Variants in ARRDC1 observed in about 807,000 individuals in gnomAD.
ARRDC1 encodes arrestin domain containing 1.
In ARRDC1, 37 loss-of-function variants were observed where a neutral mutation model predicts 40.1. The observed-to-expected ratio is 0.92, with a 90% CI of 0.71 to 1.21. The LOEUF is 1.21. Ranked by LOEUF, ARRDC1 falls within the 50% of genes most tolerant of loss-of-function variation. The probability of loss-of-function intolerance (pLI) is 0.00; values close to 1 mark genes in which losing one functional copy is unlikely to be tolerated. For missense variants in ARRDC1, 641 were observed against 581.9 expected, an observed-to-expected ratio of 1.10 and a Z score of -1.04; for synonymous variants, 310 against 262.5, an observed-to-expected ratio of 1.18 and a Z score of -1.75.
In ARRDC1 at chr9:137,614,720, T is replaced by C; in HGVS notation, c.957T>C (p.Ala319=). ...CACCACCCCAGGAGGAGGCTGAGGC[T>C]GAGGCTGCGGCTGGCGGCCCCCACT... ...PSAPPQEEAE[A]EAAAGGPHFL... The change falls in exon 7 of 8, where the codon GCT becomes GCC. Residue 319 remains alanine (A), a synonymous_variant. Coordinates refer to ENST00000371421, the MANE Select transcript of ARRDC1 (RefSeq NM_152285.4). 1 of 1,609,590 alleles carries C rather than the reference T, an allele frequency of 6.2e-7. No individual in the cohort carries two copies. Among genetic ancestry groups the C allele is most frequent in the Non-Finnish European group, 8.5e-7 (1 of 1,178,340 alleles).
chr9:137,613,813 T>C, intron 4 of ARRDC1, 44 bp downstream of exon 4: 1 of 1,604,838 alleles, frequency 6.2e-7, no homozygotes, highest in Non-Finnish European at 8.5e-7. Flanking sequence ...CCCACCCTCA[T>C]GGAGGCTGGG....
In ARRDC1 at chr9:137,614,219, G is replaced by A; in HGVS notation, c.618+5G>A. 1 of 1,587,260 alleles carries A rather than the reference G, an allele frequency of 6.3e-7. No homozygotes were observed. The highest frequency in any genetic ancestry group is 8.6e-7 in the Non-Finnish European group (1 of 1,162,858). On this transcript the variant is annotated splice_donor_5th_base_variant and intron_variant, in intron 5 of 7. Transcript: ENST00000371421. ...GTGGTGGCCAGTCTGCTGCAGGTCA[G>A]AGCCCCCGCCAGTTGCCTGGACCGG...
chr9:137,614,328 C>T lies in ARRDC1; in HGVS notation c.648C>T (p.Ile216=). ...TGTCCTATAAGGCCAAGCGCTGGAT[C>T]CACGACGTACGGACCATTGCGGAGG... ...QKVSYKAKRW[I]HDVRTIAEVE... is the part of the protein sequence containing the mutation. The change falls in exon 6 of 8, where the codon ATC becomes ATT. Residue 216 remains isoleucine, a synonymous_variant. Coordinates refer to ENST00000371421, the MANE Select transcript of ARRDC1 (RefSeq NM_152285.4). 1.3e-5 allele frequency: 21 copies of T among 1,609,094 alleles called. No individual in the cohort carries two copies. The highest frequency in any genetic ancestry group is 1.7e-5 in the Non-Finnish European group (20 of 1,177,498).
chr9:137,614,040 C>A lies in ARRDC1; in HGVS notation c.444C>A (p.Asn148Lys). The change falls in exon 5 of 8, where the codon AAC (asparagine) becomes AAA (lysine). Residue 148 changes from asparagine (N) to lysine (K), a missense_variant. By Grantham distance (94) the Asn-to-Lys change is moderately conservative (BLOSUM62 0). Coordinates refer to ENST00000371421, the MANE Select transcript of ARRDC1 (RefSeq NM_152285.4). The part of the protein sequence containing the change: ...LNSIPDIEQP[N>K]VASATKKFSY... ...CTGGCCCTCCCCCCAAGCAACCCAA[C>A]GTGGCCTCTGCCACCAAGAAGTTCT... 2 of 1,613,718 alleles carry A rather than the reference C, an allele frequency of 1.2e-6. No individual in the cohort carries two copies. The highest frequency in any genetic ancestry group is 1.7e-6 in the Non-Finnish European group (2 of 1,179,980).
intron 1 of ARRDC1, among the ~76,000 whole-genome samples, chr9:137,606,443 ACTTCTCTACCTTGGCCTCCT>A (rs1842425224): frequency 6.6e-6 from 1 of 152,032 alleles, no homozygotes; most frequent in Non-Finnish European, 1.5e-5. Context: ...CCTGCCGGGG[ACTTCTCTACCTTGGCCTCCT>A]GTGGGAACCA....
intron 1 of ARRDC1, among the ~76,000 whole-genome samples, chr9:137,609,111 G>A (rs974969773): frequency 6.6e-6 from 1 of 152,138 alleles, no homozygotes; most frequent in Non-Finnish European, 1.5e-5. Context: ...TGGGTCTCCT[G>A]GTATGCACAG....
Position 137,615,290 on chromosome 9 carries a change from C to A in ARRDC1, c.*152C>A. On this transcript the variant is annotated 3_prime_UTR_variant, in exon 8 of 8. Coordinates refer to ENST00000371421, the MANE Select transcript of ARRDC1 (RefSeq NM_152285.4). ...GGCATCCGCCCTCTTCTCCCTGGGG[C>A]TGGGGTGGGGGTGGCAGGGAGCTGG... 2.7e-6 allele frequency: 2 copies of A among 742,292 alleles called. No homozygotes were observed. The highest frequency in any genetic ancestry group is 2.0e-6 in the Non-Finnish European group (1 of 490,236). The allele number at this position is 742,292 out of a possible 1,614,324, so 46.0% of individuals were successfully genotyped here. A position where few individuals can be genotyped will look rare whatever the true frequency, so the allele number is the denominator to read the frequency against.
chr9:137,608,420 C>T (rs1348978214), intron 1 of ARRDC1, among the ~76,000 whole-genome samples: 1 of 152,260 alleles, frequency 6.6e-6, no homozygotes, highest in Non-Finnish European at 1.5e-5. Context: ...CTCAGTCCTG[C>T]AGCCAAGCCC....
chr9:137,615,239 C>G lies in ARRDC1; in HGVS notation c.*101C>G. 3.5e-6 allele frequency: 4 copies of G among 1,130,706 alleles called. No individual in the cohort carries two copies. Among genetic ancestry groups the G allele is most frequent in the Non-Finnish European group, 4.8e-6 (4 of 836,066 alleles). 70.0% of individuals were successfully genotyped at this position (1,130,706 alleles called of 1,614,324 possible). A position where few individuals can be genotyped will look rare whatever the true frequency, so the allele number is the denominator to read the frequency against. ...TTGGCCTAGCCTGGCCCACTCAGGA[C>G]CTGCCCAGCCTCTGCCAGCTCCTCT... On this transcript the variant is annotated 3_prime_UTR_variant, in exon 8 of 8. Transcript: ENST00000371421.
At chr9:137,613,923 C>G in intron 4 of ARRDC1, 109 bp from the exon 5 acceptor site, 7 of 1,541,038 alleles carry the variant, frequency 4.5e-6, no homozygotes, top group Non-Finnish European at 6.2e-6. Context: ...CCTGAGCTGA[C>G]TGCTGATGTC....
chr9:137,613,530 A>G lies in ARRDC1; in HGVS notation c.280+20A>G. ...TTCCTGGTGAGAGCCCAGCCTGGAC[A>G]GGCCTGGTGATGACCAACTGGTCCT... is the stretch of plus-strand genomic sequence containing the variant. On this transcript the variant is annotated intron_variant, in intron 3 of 7. Coordinates refer to ENST00000371421, the MANE Select transcript of ARRDC1 (RefSeq NM_152285.4). The G allele has an allele frequency of 6.2e-7, 1 of 1,613,904 alleles. No homozygotes were observed. The highest frequency in any genetic ancestry group is 8.5e-7 in the Non-Finnish European group (1 of 1,179,952).
At chr9:137,609,717 G>C (rs1029159959) in intron 1 of ARRDC1, among the ~76,000 whole-genome samples, 1 of 151,972 alleles carries the variant, frequency 6.6e-6, no homozygotes, top group Non-Finnish European at 1.5e-5. Flanking sequence ...GTAGAGATGG[G>C]GTTTCACCGT....
At chr9:137,607,276 G>C (rs148034032) in intron 1 of ARRDC1, among the ~76,000 whole-genome samples, 6 of 152,362 alleles carry the variant, frequency 3.9e-5, no homozygotes, top group Non-Finnish European at 7.3e-5. Context: ...AAGGACCATG[G>C]TTTCTTTTCC....
chr9:137,614,121 C>A lies in ARRDC1; in HGVS notation c.525C>A (p.Arg175=), dbSNP rs141353615. ...SVVLTASTDL[R]GYVVGQALQL... Reference sequence around the variant, plus strand: ...TCCTCACAGCCAGCACTGATCTCCGCGGCTATGTGGTGGGGCAGGCACTGC... The same window carrying A: ...TCCTCACAGCCAGCACTGATCTCCGAGGCTATGTGGTGGGGCAGGCACTGC... Residue 175 remains arginine, a synonymous_variant, in exon 5 of 8, where the codon CGC becomes CGA. Coordinates refer to ENST00000371421, the MANE Select transcript of ARRDC1 (RefSeq NM_152285.4). The A allele has an allele frequency of 1.9e-6, 3 of 1,613,784 alleles. No homozygotes were observed. The highest frequency in any genetic ancestry group is 1.1e-5 in the South Asian group (1 of 91,088).
chr9:137,606,577 C>T (rs1842427108), intron 1 of ARRDC1, among the ~76,000 whole-genome samples: 1 of 152,252 alleles, frequency 6.6e-6, no homozygotes, highest in Non-Finnish European at 1.5e-5. Flanking sequence ...TGCTGAGAAC[C>T]CACAGTCTCT....
In ARRDC1 at chr9:137,614,381, G is replaced by T. The variant is rs138785809; in HGVS notation, c.701G>T (p.Arg234Leu). 6.2e-7 allele frequency: 1 copy of T among 1,613,032 alleles called. No individual in the cohort carries two copies. Among genetic ancestry groups the T allele is most frequent in the South Asian group, 1.1e-5 (1 of 91,024 alleles). ...GAGGGTGCGGGCGTCAAGGCCTGGC[G>T]GCGGGCGCAGTGGCACGAGCAGATC... ...EVEGAGVKAW[R>L]RAQWHEQILV... is the part of the protein sequence containing the mutation. Residue 234 changes from arginine to leucine, a missense_variant, in exon 6 of 8, where the codon CGG (arginine) becomes CTG (leucine). By Grantham distance (102) the Arg-to-Leu change is moderately radical (BLOSUM62 -2). Transcript: ENST00000371421.
At chr9:137,607,957 C>A (rs1384918709) in intron 1 of ARRDC1, among the ~76,000 whole-genome samples, 2 of 152,152 alleles carry the variant, frequency 1.3e-5, no homozygotes, top group Non-Finnish European at 2.9e-5. Context: ...TGCATCTGAA[C>A]ACAGGAAACA....
chr9:137,613,683 A>ACGC lies in ARRDC1; in HGVS notation c.351_353dup (p.Pro118dup). 1.2e-6 allele frequency: 2 copies of ACGC among 1,614,224 alleles called. No individual in the cohort carries two copies. Among genetic ancestry groups the ACGC allele is most frequent in the Non-Finnish European group, 1.7e-6 (2 of 1,180,034 alleles). On this transcript the variant is annotated inframe_insertion, in exon 4 of 8. Coordinates refer to ENST00000371421, the MANE Select transcript of ARRDC1 (RefSeq NM_152285.4). Reference sequence around the variant, plus strand: ...GCACCAGGTGAGGGCCGCCATCCACACGCCACGGTTTTCCAAGGATCACAA... The same window carrying ACGC: ...GCACCAGGTGAGGGCCGCCATCCACACGCCGCCACGGTTTTCCAAGGATCACAA...
At chr9:137,613,075 C>T (rs776771060) in intron 2 of ARRDC1, 69 bp downstream of exon 2, 17 of 1,163,682 alleles carry the variant, frequency 1.5e-5, no homozygotes, top group Non-Finnish European at 1.9e-5. Flanking sequence ...CCTGTCTGTC[C>T]TGTCCTCCCC....
Sources: gnomAD v4.1 joint callset for allele counts (sites outside exome capture counted in the v4.1 genomes callset) on GRCh38, gnomAD v4.1.1 for gene constraint, MANE v1.5 for transcripts, NCBI Gene and HGNC (gene_info 2026-07-23, HGNC 2026-07-21) for gene names.